Variants in RBMS3 observed in about 807,000 individuals in gnomAD.
RBMS3 encodes RNA-binding motif, single-stranded-interacting protein 3.
A neutral mutation model predicts 66.8 loss-of-function variants in RBMS3; 27 were observed. That is an observed-to-expected ratio of 0.40 (90% CI 0.30 to 0.56). The LOEUF is 0.56. RBMS3 is among the 20% of genes least tolerant of loss of function. The pLI is 0.40. For synonymous variants in RBMS3, 188 were observed against 183.0 expected, an observed-to-expected ratio of 1.03 and a Z score of -0.22; for missense variants, 513 against 549.5, an observed-to-expected ratio of 0.93 and a Z score of 0.66.
chr3:29,780,596 G>A (rs1045431982), intron 6 of RBMS3, among the ~76,000 whole-genome samples: 14 of 151,570 alleles, frequency 9.2e-5, no homozygotes, highest in African/African-American at 3.4e-4. Flanking sequence ...AGTATATTTG[G>A]TATCAAATAA....
intron 6 of RBMS3, among the ~76,000 whole-genome samples, chr3:29,824,877 T>A (rs1171908193): frequency 6.6e-6 from 1 of 152,158 alleles, no homozygotes; most frequent in Admixed American, 6.5e-5. Context: ...CATCAAATAA[T>A]GTATGATTAT....
At chr3:29,698,208 T>G (rs1041546267) in intron 4 of RBMS3, 1 of 984,836 alleles carries the variant, frequency 1.0e-6, no homozygotes, top group Non-Finnish European at 1.2e-6. Context: ...GACTTCAATT[T>G]TATAAGAGTC....
chr3:29,745,186 G>A (rs1351525788), intron 5 of RBMS3, among the ~76,000 whole-genome samples: 1 of 152,094 alleles, frequency 6.6e-6, no homozygotes, highest in Non-Finnish European at 1.5e-5. Context: ...GCTTTTCAAA[G>A]TTCCAGAAGC....
At chr3:29,996,787 T>C (rs1699271497) in intron 14 of RBMS3, among the ~76,000 whole-genome samples, 1 of 152,166 alleles carries the variant, frequency 6.6e-6, no homozygotes, top group Non-Finnish European at 1.5e-5. Flanking sequence ...GGGAAATTTA[T>C]AGCACTAAAT....
intron 12 of RBMS3, among the ~76,000 whole-genome samples, chr3:29,980,151 A>C: frequency 6.6e-6 from 1 of 152,160 alleles, no homozygotes. Context: ...ATGGTATGTC[A>C]CTGTGGTTTT....
chr3:29,345,169 A>G (rs955817185), intron 1 of RBMS3, among the ~76,000 whole-genome samples: 1 of 152,208 alleles, frequency 6.6e-6, no homozygotes, highest in African/African-American at 2.4e-5. Flanking sequence ...CCATTCATCT[A>G]TACTTCCTTT....
At chr3:29,440,230 C>T (rs953016820) in intron 2 of RBMS3, among the ~76,000 whole-genome samples, 18 of 152,194 alleles carry the variant, frequency 1.2e-4, no homozygotes, top group Non-Finnish European at 2.2e-4. Flanking sequence ...ATATTTTCCA[C>T]ATCTACAACA....
At chr3:29,933,359 G>A (rs1462882032) in intron 10 of RBMS3, among the ~76,000 whole-genome samples, 1 of 152,004 alleles carries the variant, frequency 6.6e-6, no homozygotes, top group African/African-American at 2.4e-5. Context: ...AGATTCTGTA[G>A]TTTTAAATAA....
At chr3:29,765,336 C>A (rs1197999259) in intron 6 of RBMS3, among the ~76,000 whole-genome samples, 1 of 151,812 alleles carries the variant, frequency 6.6e-6, no homozygotes, top group African/African-American at 2.4e-5. Flanking sequence ...ATATTTGATT[C>A]CATATTTAAG....
intron 6 of RBMS3, among the ~76,000 whole-genome samples, chr3:29,803,283 G>A (rs990477591): frequency 3.9e-5 from 6 of 152,036 alleles, no homozygotes; most frequent in African/African-American, 1.2e-4. Context: ...ATAATAACCC[G>A]CGGCTATGCT....
intron 12 of RBMS3, among the ~76,000 whole-genome samples, chr3:29,986,009 A>C (rs1577322840): frequency 6.6e-6 from 1 of 152,206 alleles, no homozygotes; most frequent in Non-Finnish European, 1.5e-5. Flanking sequence ...AGTATTCTAC[A>C]GAGGGTGCCA....
At chr3:29,849,170 A>ATG (rs10571760) in intron 6 of RBMS3, among the ~76,000 whole-genome samples, 7,705 of 141,678 alleles carry the variant, frequency 0.054, 333 homozygotes, top group East Asian at 0.12. Flanking sequence ...CACCAAAGGA[A>ATG]TGTGTGTGTG....
chr3:29,473,948 C>T (rs2042856251), intron 2 of RBMS3, among the ~76,000 whole-genome samples: 1 of 152,244 alleles, frequency 6.6e-6, no homozygotes, highest in Non-Finnish European at 1.5e-5. Context: ...AAAGGGGCTC[C>T]CACAGTGCAG....
At chr3:29,432,013 C>A (rs963634333) in intron 1 of RBMS3, among the ~76,000 whole-genome samples, 2 of 152,156 alleles carry the variant, frequency 1.3e-5, no homozygotes, top group African/African-American at 4.8e-5. Context: ...CAGGCGTGAA[C>A]CATAGTGCCC....
At chr3:29,361,882 A>G (rs1162149917) in intron 1 of RBMS3, among the ~76,000 whole-genome samples, 2 of 152,134 alleles carry the variant, frequency 1.3e-5, no homozygotes, top group South Asian at 2.1e-4. Context: ...TTCTCGTGCC[A>G]TGGTTTTCAG....
At chr3:29,479,092 G>A (rs1488942674) in intron 2 of RBMS3, among the ~76,000 whole-genome samples, 1 of 152,052 alleles carries the variant, frequency 6.6e-6, no homozygotes, top group Non-Finnish European at 1.5e-5. Flanking sequence ...AAATGTAATT[G>A]AATTTAAATA....
At chr3:29,833,840 T>A (rs2058435147) in intron 6 of RBMS3, among the ~76,000 whole-genome samples, 1 of 151,882 alleles carries the variant, frequency 6.6e-6, no homozygotes, top group African/African-American at 2.4e-5. Context: ...ATCAAAAGCC[T>A]CCAAACGGAC....
At chr3:29,723,491 A>G (rs538479971) in intron 4 of RBMS3, among the ~76,000 whole-genome samples, 1 of 152,334 alleles carries the variant, frequency 6.6e-6, no homozygotes, top group Admixed American at 6.5e-5. Context: ...ATGTGTTAAA[A>G]TCATTAATGA....
At chr3:29,517,876 G>C (rs1433886417) in intron 3 of RBMS3, among the ~76,000 whole-genome samples, 1 of 152,188 alleles carries the variant, frequency 6.6e-6, no homozygotes, top group African/African-American at 2.4e-5. Flanking sequence ...TGTGAGTAAA[G>C]TTCTAAGTGA....
Sources: allele counts gnomAD v4.1 joint callset (sites outside exome capture counted in the v4.1 genomes callset), GRCh38; gene constraint gnomAD v4.1.1; transcripts MANE v1.5; gene names NCBI Gene and HGNC (gene_info 2026-07-23, HGNC 2026-07-21).